SNX6: variants seen among roughly 807,000 people sequenced by gnomAD.
SNX6 encodes the protein sorting nexin 6.
In SNX6, 34 loss-of-function variants were observed where a neutral mutation model predicts 63.0. The ratio of observed to expected loss-of-function variants is 0.54; its 90% CI spans 0.41 to 0.72. The LOEUF is 0.72. Among genes scored for constraint, SNX6 ranks in the 30% least tolerant of loss-of-function variants. SNX6 has a pLI of 0.00. For missense variants in SNX6, 398 were observed against 471.4 expected (o/e 0.84, Z 1.44); for synonymous variants, 170 against 164.2 (o/e 1.04, Z -0.27).
chr14:34,580,384 C>T (rs1000173779), intron 10 of SNX6, among the ~76,000 whole-genome samples: 4 of 152,082 alleles, frequency 2.6e-5, no homozygotes, highest in Admixed American at 2.0e-4. Flanking sequence ...CTCACTATAA[C>T]CTTGACCTCC....
At chr14:34,608,555 G>C (rs114062979) in intron 3 of SNX6, among the ~76,000 whole-genome samples, 3,159 of 152,194 alleles carry the variant, frequency 0.021, 106 homozygotes, top group African/African-American at 0.068. Context: ...ATAAAACTCT[G>C]AGCTATATGG....
At position 34,605,596 on chromosome 14, in the gene SNX6, G is replaced by A. The variant is rs778694270; in HGVS notation, c.392C>T (p.Ala131Val). ...EFTKMKQELE[A>V]EYLAIFKKTV... Reference sequence around the variant, plus strand: ...ACAAAAAAATAAAAAAATCACTTACGCTTCCAGTTCCTGTTTCATCTTTGT... The same window carrying A: ...ACAAAAAAATAAAAAAATCACTTACACTTCCAGTTCCTGTTTCATCTTTGT... Residue 131 changes from alanine to valine, a missense_variant and splice_region_variant, in exon 5 of 14, where the codon GCT becomes GTT. Physicochemically the swap from Ala to Val is moderately conservative, Grantham distance 64. Coordinates refer to ENST00000362031, the MANE Select transcript of SNX6 (RefSeq NM_152233.4). 2.6e-6 allele frequency: 4 copies of A among 1,558,338 alleles called. No homozygotes were observed. The highest frequency in any genetic ancestry group is 4.6e-5 in the East Asian group (2 of 43,014).
chr14:34,595,435 CCA>C (rs763115811), intron 7 of SNX6, among the ~76,000 whole-genome samples: 2 of 152,148 alleles, frequency 1.3e-5, no homozygotes, highest in Admixed American at 6.6e-5. Flanking sequence ...CTGTGCCCGG[CCA>C]CAGTTTTCTT....
intron 2 of SNX6, among the ~76,000 whole-genome samples, chr14:34,627,184 C>T (rs1372594421): frequency 4.6e-5 from 7 of 152,172 alleles, no homozygotes; most frequent in African/African-American, 1.2e-4. Flanking sequence ...CGGTGGCTCA[C>T]GCCTGTAATC....
chr14:34,578,782 T>C (rs907802614), intron 10 of SNX6, among the ~76,000 whole-genome samples: 1 of 147,850 alleles, frequency 6.8e-6, no homozygotes, highest in African/African-American at 2.5e-5. Flanking sequence ...CTACTAAAAA[T>C]ACAAAAATTA....
intron 8 of SNX6, among the ~76,000 whole-genome samples, chr14:34,589,462 AAC>A (rs1882306106): frequency 6.6e-6 from 1 of 152,038 alleles, no homozygotes; most frequent in African/African-American, 2.4e-5. Context: ...CAAAAACAAA[AAC>A]ACAAAACAAA....
chr14:34,609,798 T>C (rs1454114692), intron 2 of SNX6, 56 bp from the exon 3 acceptor site: 8 of 1,253,856 alleles, frequency 6.4e-6, no homozygotes, highest in African/African-American at 4.5e-5. Context: ...AATTTCATTT[T>C]TTCTCTTAAG....
chr14:34,609,794 ATT>A (rs749246292), intron 2 of SNX6, 52 bp from the exon 3 acceptor site: 46 of 1,273,722 alleles, frequency 3.6e-5, no homozygotes, highest in Non-Finnish European at 5.2e-5. Flanking sequence ...ATATAATTTC[ATT>A]TTTTCTCTTA....
intron 8 of SNX6, among the ~76,000 whole-genome samples, chr14:34,587,704 T>A (rs1882232293): frequency 6.6e-6 from 1 of 151,764 alleles, no homozygotes; most frequent in East Asian, 1.9e-4. Context: ...TGATCACGGC[T>A]CACTGCAGTC....
chr14:34,567,821 A>G (rs780629260), intron 12 of SNX6, 33 bp downstream of exon 12: 14 of 1,612,760 alleles, frequency 8.7e-6, no homozygotes, highest in South Asian at 3.3e-5. Context: ...GTCATAAAGC[A>G]TATCTTGTGA....
intron 9 of SNX6, among the ~76,000 whole-genome samples, chr14:34,585,240 C>T (rs1005717129): frequency 4.6e-5 from 7 of 151,962 alleles, no homozygotes; most frequent in Admixed American, 2.0e-4. Context: ...TATTGTTGGC[C>T]GGGAGAAGTG....
intron 13 of SNX6, among the ~76,000 whole-genome samples, chr14:34,564,356 T>C (rs896558096): frequency 1.3e-5 from 2 of 152,130 alleles, no homozygotes; most frequent in African/African-American, 4.8e-5. Flanking sequence ...ACAGCATCCT[T>C]GGCCCACCAT....
intron 10 of SNX6, among the ~76,000 whole-genome samples, chr14:34,578,243 T>C (rs2138284655): frequency 6.6e-6 from 1 of 152,188 alleles, no homozygotes; most frequent in East Asian, 1.9e-4. Context: ...GGGAAAATGT[T>C]AATATTCAGA....
intron 11 of SNX6, among the ~76,000 whole-genome samples, chr14:34,574,186 A>G (rs187836758): frequency 1.3e-5 from 2 of 151,168 alleles, no homozygotes; most frequent in African/African-American, 2.4e-5. Flanking sequence ...AAATACAAAA[A>G]TTAGCCAGGC....
intron 2 of SNX6, chr14:34,629,456 A>C: frequency 2.2e-6 from 1 of 465,028 alleles, no homozygotes; most frequent in Non-Finnish European, 4.3e-6. Context: ...TGTAGACTAC[A>C]CCTGTACTAT....
At chr14:34,601,671 T>C (rs149002958) in intron 6 of SNX6, among the ~76,000 whole-genome samples, 2,179 of 152,074 alleles carry the variant, frequency 0.014, 54 homozygotes, top group African/African-American at 0.05. Flanking sequence ...CTTGGCTCTC[T>C]GCAACCTCCG....
intron 9 of SNX6, among the ~76,000 whole-genome samples, chr14:34,584,450 C>T (rs1467642562): frequency 6.6e-6 from 1 of 151,170 alleles, no homozygotes; most frequent in Non-Finnish European, 1.5e-5. Flanking sequence ...TACAGGTGTA[C>T]ACCACCATGT....
chr14:34,571,578 A>G (rs1378327304), intron 11 of SNX6, among the ~76,000 whole-genome samples: 1 of 152,244 alleles, frequency 6.6e-6, no homozygotes, highest in South Asian at 2.1e-4. Flanking sequence ...TGGAGACAGT[A>G]AAAAGATCAG....
chr14:34,619,471 GAATA>G lies in SNX6; in HGVS notation c.55-9733_55-9730del, dbSNP rs1883546929. Among the ~76,000 whole-genome samples, 3 of 151,682 alleles carry G rather than the reference GAATA, an allele frequency of 2.0e-5. No individual in the cohort carries two copies. In the South Asian group the frequency reaches 6.2e-4, roughly 32 times the overall value. ...AGAGAGAGAGAGAGAGAGAGAGATA[GAATA>G]AATATAAACACTAGGCAATACAGTA... On this transcript the variant is annotated intron_variant, in intron 2 of 13. Transcript: ENST00000362031.
Sources: allele counts gnomAD v4.1 joint callset (sites outside exome capture counted in the v4.1 genomes callset), GRCh38; gene constraint gnomAD v4.1.1; transcripts MANE v1.5; gene names NCBI Gene and HGNC (gene_info 2026-07-23, HGNC 2026-07-21).